The following SPAG16 variants were observed in gnomAD, a reference collection of about 807,000 sequenced individuals.
SPAG16 encodes sperm associated antigen 16, also known as sperm-associated antigen 16 protein.
Under a neutral mutation model 80.4 loss-of-function variants are expected in SPAG16, and 86 were observed. The ratio of observed to expected loss-of-function variants is 1.07; its 90% CI spans 0.90 to 1.28. The LOEUF (loss-of-function observed/expected upper bound fraction) is 1.28. SPAG16 is among the 50% of genes most tolerant of loss of function. The pLI is 0.00. For missense variants in SPAG16, 870 were observed against 765.3 expected (o/e 1.14, Z -1.61); for synonymous variants, 294 against 265.9 (o/e 1.11, Z -1.03).
intron 15 of SPAG16, among the ~76,000 whole-genome samples, chr2:214,253,879 T>C (rs1025749733): frequency 6.6e-6 from 1 of 152,162 alleles, no homozygotes; most frequent in Non-Finnish European, 1.5e-5. Flanking sequence ...ATTGAATCTA[T>C]AAATTACTTT....
chr2:214,364,229 A>G (rs1011617354), intron 15 of SPAG16, among the ~76,000 whole-genome samples: 1 of 152,052 alleles, frequency 6.6e-6, no homozygotes, highest in African/African-American at 2.4e-5. Flanking sequence ...AATGTCGGAC[A>G]TATACCAGAT....
intron 5 of SPAG16, among the ~76,000 whole-genome samples, chr2:213,319,619 C>A (rs1290709681): frequency 6.6e-6 from 1 of 151,858 alleles, no homozygotes; most frequent in East Asian, 1.9e-4. Context: ...TAGCATATTT[C>A]TCACAGTGCT....
intron 10 of SPAG16, among the ~76,000 whole-genome samples, chr2:213,744,851 T>C (rs989381236): frequency 2.0e-5 from 3 of 152,336 alleles, no homozygotes; most frequent in Non-Finnish European, 4.4e-5. Context: ...CACTTCCATA[T>C]TAACATTTCT....
intron 15 of SPAG16, among the ~76,000 whole-genome samples, chr2:214,202,108 A>C (rs1257829583): frequency 6.6e-6 from 1 of 152,182 alleles, no homozygotes; most frequent in Non-Finnish European, 1.5e-5. Flanking sequence ...GGCCTGCCAA[A>C]GTGCTGGGAT....
chr2:214,152,113 C>T (rs1249191486), intron 15 of SPAG16, among the ~76,000 whole-genome samples: 1 of 152,058 alleles, frequency 6.6e-6, no homozygotes. Flanking sequence ...AAGTAGAGGT[C>T]ATTAAAAGGC....
At chr2:213,572,277 G>T in intron 10 of SPAG16, among the ~76,000 whole-genome samples, 1 of 80,818 alleles carries the variant, frequency 1.2e-5, no homozygotes, top group Non-Finnish European at 2.4e-5. Flanking sequence ...TCTGTTGCTG[G>T]TGAGGAACTG....
At chr2:213,865,271 C>T (rs1475501221) in intron 11 of SPAG16, among the ~76,000 whole-genome samples, 4 of 151,754 alleles carry the variant, frequency 2.6e-5, no homozygotes, top group Non-Finnish European at 4.4e-5. Context: ...ATTATACAAT[C>T]CATAATTTAT....
At chr2:213,746,000 A>G (rs936430787) in intron 10 of SPAG16, among the ~76,000 whole-genome samples, 5 of 152,200 alleles carry the variant, frequency 3.3e-5, no homozygotes, top group Non-Finnish European at 4.4e-5. Flanking sequence ...TCAGAATTAC[A>G]GATCTTTCCT....
chr2:214,124,349 C>G (rs1263553063), intron 14 of SPAG16, among the ~76,000 whole-genome samples: 1 of 151,632 alleles, frequency 6.6e-6, no homozygotes, highest in Admixed American at 6.7e-5. Flanking sequence ...CTCATTTAAA[C>G]AGGTTTCACA....
rs534713539 is a variant in SPAG16, at chr2:214,328,152, CT to C, written c.1721-81975del. Among the ~76,000 whole-genome samples, 835 of 143,134 alleles carry C rather than the reference CT, an allele frequency of 5.8e-3. 4 individuals carry two copies. Among genetic ancestry groups the C allele is most frequent in the African/African-American group, 0.015 (593 of 39,314 alleles). The allele number at this position is 143,134 out of a possible 152,430, so 93.9% of individuals were successfully genotyped here. A position where few individuals can be genotyped will look rare whatever the true frequency, so the allele number is the denominator to read the frequency against. Reference sequence around the variant, plus strand: ...GAGTTAATTGACAATGTTTAGCAGTCTTTTTTTTTTTTTCCTTTTTTGAGAT... The same window carrying C: ...GAGTTAATTGACAATGTTTAGCAGTCTTTTTTTTTTTTCCTTTTTTGAGAT... On this transcript the variant is annotated intron_variant, in intron 15 of 15. Transcript: ENST00000331683.
At chr2:214,399,226 A>G (rs1309936510) in intron 15 of SPAG16, among the ~76,000 whole-genome samples, 3 of 152,178 alleles carry the variant, frequency 2.0e-5, no homozygotes, top group Non-Finnish European at 1.5e-5. Flanking sequence ...CCCAGTTCAT[A>G]CAAGACCTTC....
intron 15 of SPAG16, among the ~76,000 whole-genome samples, chr2:214,249,704 A>G (rs573235916): frequency 7.4e-4 from 113 of 151,944 alleles, no homozygotes; most frequent in African/African-American, 2.2e-3. Flanking sequence ...ACTGATACAC[A>G]TGGTGGATAT....
At chr2:213,350,470 G>A (rs996470986) in intron 6 of SPAG16, 58 bp from the exon 7 acceptor site, 19 of 876,086 alleles carry the variant, frequency 2.2e-5, no homozygotes, top group Non-Finnish European at 3.2e-5. Flanking sequence ...ATGTTAGATG[G>A]AAATTACTGA....
intron 3 of SPAG16, among the ~76,000 whole-genome samples, chr2:213,301,263 C>A (rs2062731278): frequency 6.6e-6 from 1 of 152,100 alleles, no homozygotes; most frequent in Non-Finnish European, 1.5e-5. Context: ...ACCCAGGCTC[C>A]TTGTACTCAA....
intron 14 of SPAG16, among the ~76,000 whole-genome samples, chr2:214,138,841 A>G (rs146078615): frequency 6.6e-6 from 1 of 152,098 alleles, no homozygotes; most frequent in Non-Finnish European, 1.5e-5. Flanking sequence ...CCAGATTCCT[A>G]CCCCTTAAAT....
intron 12 of SPAG16, among the ~76,000 whole-genome samples, chr2:213,945,476 C>T (rs147960903): frequency 0.013 from 1,977 of 151,990 alleles, 40 homozygotes; most frequent in African/African-American, 0.045. Flanking sequence ...TGTTTGAGGG[C>T]AGGAAGCATC....
chr2:213,752,779 G>C (rs182582625), intron 10 of SPAG16, among the ~76,000 whole-genome samples: 5 of 152,242 alleles, frequency 3.3e-5, no homozygotes, highest in African/African-American at 1.2e-4. Context: ...CGGTGTGGTG[G>C]GGGAGTTTCC....
intron 15 of SPAG16, among the ~76,000 whole-genome samples, chr2:214,167,117 C>T (rs1162930922): frequency 6.6e-6 from 1 of 152,148 alleles, no homozygotes; most frequent in Non-Finnish European, 1.5e-5. Flanking sequence ...TCACATATGT[C>T]TGGAAGGAAG....
intron 14 of SPAG16, among the ~76,000 whole-genome samples, chr2:214,124,009 C>T (rs1325573429): frequency 6.6e-6 from 1 of 151,496 alleles, no homozygotes; most frequent in Non-Finnish European, 1.5e-5. Context: ...TTTTTTTAAC[C>T]CTAGAATTCT....
Sources: gnomAD v4.1 joint callset for allele counts (sites outside exome capture counted in the v4.1 genomes callset) on GRCh38, gnomAD v4.1.1 for gene constraint, MANE v1.5 for transcripts, NCBI Gene and HGNC (gene_info 2026-07-23, HGNC 2026-07-21) for gene names.